The following EP400 variants were observed in gnomAD, a reference collection of about 807,000 sequenced individuals.
EP400 encodes E1A-binding protein p400.
A neutral mutation model predicts 354.1 loss-of-function variants in EP400; 105 were observed. The ratio of observed to expected loss-of-function variants is 0.30; its 90% CI spans 0.25 to 0.35. EP400 has a LOEUF of 0.35. Ranked by LOEUF, EP400 falls within the 10% of genes least tolerant of loss-of-function variation. The probability of loss-of-function intolerance (pLI) is 1.00; values close to 1 mark genes in which losing one functional copy is unlikely to be tolerated. For synonymous variants in EP400, 1,646 were observed against 1,716.9 expected, an observed-to-expected ratio of 0.96 and a Z score of 1.02; for missense variants, 3,280 against 4,121.0, an observed-to-expected ratio of 0.80 and a Z score of 5.59.
intron 5 of EP400, among the ~76,000 whole-genome samples, chr12:131,983,719 A>T (rs927783663): frequency 1.4e-4 from 21 of 152,100 alleles, no homozygotes; most frequent in African/African-American, 5.1e-4. Flanking sequence ...TGGCTCTGTC[A>T]CCCAGGCTGG....
At position 132,031,932 on chromosome 12, in the gene EP400, C is replaced by T. The variant is rs202054236; in HGVS notation, c.5755-21C>T. ...CAACATTTTCCAAGAATACTAACTC[C>T]TGTGTTTTGTTTCATCTTAGGAACT... On this transcript the variant is annotated intron_variant, in intron 29 of 52. Coordinates refer to ENST00000389561, the MANE Select transcript of EP400 (RefSeq NM_015409.5). The T allele has an allele frequency of 5.7e-6, 9 of 1,587,056 alleles. No individual in the cohort carries two copies. In the East Asian group the frequency reaches 1.6e-4, roughly 28 times the overall value.
At chr12:132,043,049 TC>T (rs1350252128) in intron 32 of EP400, among the ~76,000 whole-genome samples, 2 of 152,252 alleles carry the variant, frequency 1.3e-5, no homozygotes, top group Admixed American at 1.3e-4. Context: ...GCTCAGCTCT[TC>T]CATGGGGCCT....
rs753754150 is a variant in EP400 at position 132,066,568 on chromosome 12, G to A, written c.8554-206G>A. ...TGTGTGATGAGCCTGCAGGTCTTGC[G>A]GGAGCTTCAGAAGCGCGGGCTGACC... On this transcript the variant is annotated intron_variant, in intron 48 of 52. Transcript: ENST00000389561. The A allele has an allele frequency of 8.3e-5, 46 of 552,426 alleles. No individual in the cohort carries two copies. The Middle Eastern group carries it at 2.3e-3, about 28-fold the overall frequency. 34.2% of individuals were successfully genotyped at this position (552,426 alleles called of 1,614,324 possible).
chr12:132,036,667 G>A (rs1304262412), intron 30 of EP400, among the ~76,000 whole-genome samples: 1 of 152,212 alleles, frequency 6.6e-6, no homozygotes, highest in African/African-American at 2.4e-5. Context: ...TTTTTTTAGT[G>A]GTTCTCAGGG....
rs1024115926 is a variant in EP400 at position 132,025,056 on chromosome 12, T to C, written c.4856-590T>C. On this transcript the variant is annotated intron_variant, in intron 24 of 52. Coordinates refer to ENST00000389561, the MANE Select transcript of EP400 (RefSeq NM_015409.5). The surrounding 1 kb of genome is among the most constrained non-coding windows in gnomAD (Gnocchi z 4.1). ...GATTCAGTCTGGTTTACTTCCTTTT[T>C]TTTTTTCTTAAAACAAAACAAAACA... Among the ~76,000 whole-genome samples, 6 of 152,042 alleles carry C rather than the reference T, an allele frequency of 3.9e-5. No individual in the cohort carries two copies. The highest frequency in any genetic ancestry group is 1.5e-4 in the African/African-American group (6 of 41,338).
chr12:132,053,290 A>G (rs1348713381), intron 42 of EP400, 53 bp from the exon 43 acceptor site: 3 of 1,606,654 alleles, frequency 1.9e-6, no homozygotes, highest in Non-Finnish European at 2.5e-6. Flanking sequence ...TCCAGGGGGT[A>G]TGCAGGCCGA....
At chr12:132,006,998 A>C in intron 15 of EP400, 121 bp downstream of exon 15, 3 of 1,096,710 alleles carry the variant, frequency 2.7e-6, no homozygotes, top group Non-Finnish European at 3.9e-6. Context: ...CTATCTGTTG[A>C]CCTGAGCAAA....
At chr12:131,988,742 G>A (rs534203301) in intron 7 of EP400, among the ~76,000 whole-genome samples, 2 of 152,170 alleles carry the variant, frequency 1.3e-5, no homozygotes, top group African/African-American at 4.8e-5. Context: ...AACAGCCGTG[G>A]CCCTTCTTTA....
At chr12:131,992,286 A>C in intron 11 of EP400, 56 bp downstream of exon 11, 1 of 1,522,770 alleles carries the variant, frequency 6.6e-7, no homozygotes, top group Non-Finnish European at 8.9e-7. Context: ...ATGAGATGAC[A>C]CAGAGCTGCA....
At chr12:131,987,109 G>T (rs1396803273) in intron 6 of EP400, among the ~76,000 whole-genome samples, 1 of 152,154 alleles carries the variant, frequency 6.6e-6, no homozygotes, top group African/African-American at 2.4e-5. Context: ...GAGCGCTGGG[G>T]CCCTGCAGGC....
chr12:131,985,223 G>A (rs1892814586), intron 5 of EP400, among the ~76,000 whole-genome samples: 1 of 152,218 alleles, frequency 6.6e-6, no homozygotes, highest in Non-Finnish European at 1.5e-5. Context: ...GTTAGCCAGG[G>A]TTGGCACACT....
At chr12:132,060,837 C>T (rs954044202) in intron 45 of EP400, among the ~76,000 whole-genome samples, 2 of 151,544 alleles carry the variant, frequency 1.3e-5, no homozygotes, top group African/African-American at 4.9e-5. Flanking sequence ...TTGCTTGAAC[C>T]TGGGAGGCAG....
At chr12:132,062,001 A>T in intron 45 of EP400, 109 bp from the exon 46 acceptor site, 1 of 888,266 alleles carries the variant, frequency 1.1e-6, no homozygotes, top group Non-Finnish European at 1.8e-6. Context: ...CGTGTGTTTC[A>T]CTTGTTTCGC....
rs555305093 is a variant in EP400 at position 132,025,109 on chromosome 12, G to T, written c.4856-537G>T. ...ACAAAACATTTTTTGGCCCACAGAG[G>T]CTGGGTCGCTTGGTAACATCTCTGA... is the stretch of plus-strand genomic sequence containing the variant. On this transcript the variant is annotated intron_variant, in intron 24 of 52. Transcript: ENST00000389561. This position sits in a 1 kb window ranked among gnomAD's most constrained non-coding sequence, Gnocchi z 4.1. Among the ~76,000 whole-genome samples, 11 of 152,104 alleles carry T rather than the reference G, an allele frequency of 7.2e-5. No individual in the cohort carries two copies. The highest frequency in any genetic ancestry group is 2.2e-4 in the African/African-American group (9 of 41,462).
At chr12:131,995,563 C>G (rs533072328) in intron 12 of EP400, among the ~76,000 whole-genome samples, 2 of 148,562 alleles carry the variant, frequency 1.3e-5, no homozygotes, top group South Asian at 4.3e-4. Context: ...TGAATCCCAC[C>G]ACAGCTTGAC....
chr12:131,968,697 C>T (rs1414365665), intron 2 of EP400, among the ~76,000 whole-genome samples: 1 of 152,098 alleles, frequency 6.6e-6, no homozygotes, highest in Non-Finnish European at 1.5e-5. Context: ...TCTTCCAGTC[C>T]ATGAATATGG....
At chr12:132,006,923 T>G (rs770104877) in intron 15 of EP400, 46 bp downstream of exon 15, 1 of 1,605,884 alleles carries the variant, frequency 6.2e-7, no homozygotes, top group Non-Finnish European at 8.5e-7. Flanking sequence ...TGCTAGGACT[T>G]ACCTATAGGC....
chr12:131,986,020 G>T (rs1221930316), intron 5 of EP400, among the ~76,000 whole-genome samples: 1 of 152,124 alleles, frequency 6.6e-6, no homozygotes, highest in African/African-American at 2.4e-5. Flanking sequence ...CGTTGCCCAG[G>T]CTGGAGTACA....
In EP400 at chr12:132,018,143, A is replaced by C; in HGVS notation, c.4111-67A>C. 1 of 1,587,018 alleles carries C rather than the reference A, an allele frequency of 6.3e-7. No homozygotes were observed. The highest frequency in any genetic ancestry group is 8.5e-7 in the Non-Finnish European group (1 of 1,170,034). On this transcript the variant is annotated intron_variant, in intron 20 of 52. Coordinates refer to ENST00000389561, the MANE Select transcript of EP400 (RefSeq NM_015409.5). The surrounding 1 kb of genome is among the most constrained non-coding windows in gnomAD (Gnocchi z 4.0). ...ACGTTAGGGCCCTGCCATAGAAATC[A>C]GTTTTGATTCTTAGGTGCTTTTTTT...
Sources: gnomAD v4.1 joint callset for allele counts (sites outside exome capture counted in the v4.1 genomes callset) on GRCh38, gnomAD v4.1.1 for gene constraint, Gnocchi (gnomAD v3.1) non-coding constraint, MANE v1.5 for transcripts, NCBI Gene and HGNC (gene_info 2026-07-23, HGNC 2026-07-21) for gene names.